The following USP40 variants were observed in gnomAD, a reference collection of about 807,000 sequenced individuals.
The protein encoded by USP40 is ubiquitin specific peptidase 40, also known as ubiquitin carboxyl-terminal hydrolase 40.
Under a neutral mutation model 166.2 loss-of-function variants are expected in USP40, and 143 were observed. The ratio of observed to expected loss-of-function variants is 0.86; its 90% CI spans 0.75 to 0.99. The LOEUF (loss-of-function observed/expected upper bound fraction) is 0.99, where lower values mean the gene tolerates loss of function less well. USP40 is among the 50% of genes least tolerant of loss of function. The pLI, the probability that USP40 is intolerant of heterozygous loss-of-function variation, is 0.00. For synonymous variants in USP40, 498 were observed against 524.0 expected (o/e 0.95, Z 0.68); for missense variants, 1,444 against 1,479.7 (o/e 0.98, Z 0.40).
At chr2:233,490,674 T>G (rs2065274754) in intron 26 of USP40, among the ~76,000 whole-genome samples, 1 of 152,292 alleles carries the variant, frequency 6.6e-6, no homozygotes, top group African/African-American at 2.4e-5. Context: ...GATAAAACCC[T>G]CCTTCTCTGT....
intron 24 of USP40, among the ~76,000 whole-genome samples, chr2:233,494,964 A>ATT (rs2065643951): frequency 1.6e-4 from 12 of 74,666 alleles, no homozygotes; most frequent in Non-Finnish European, 3.1e-4. Context: ...ATTTATATAT[A>ATT]TATATATATA....
chr2:233,496,007 A>G (rs903908407), intron 24 of USP40, among the ~76,000 whole-genome samples: 1 of 152,276 alleles, frequency 6.6e-6, no homozygotes, highest in African/African-American at 2.4e-5. Context: ...TGCCTTCAGC[A>G]AACAAATATG....
intron 9 of USP40, among the ~76,000 whole-genome samples, chr2:233,541,138 T>C (rs961340370): frequency 9.8e-5 from 15 of 152,342 alleles, no homozygotes; most frequent in Admixed American, 7.8e-4. Context: ...AGATGATTAA[T>C]GTCTTATCTA....
intron 31 of USP40, among the ~76,000 whole-genome samples, chr2:233,478,460 T>C (rs1407029220): frequency 6.6e-6 from 1 of 152,216 alleles, no homozygotes. Context: ...GGCAAGCGAT[T>C]TGCAGTTCCT....
In USP40 at chr2:233,493,243, G is replaced by C; in HGVS notation, c.2917+182C>G. 8 of 778,144 alleles carry C rather than the reference G, an allele frequency of 1.0e-5. No individual in the cohort carries two copies. In the South Asian group the frequency reaches 1.4e-4, roughly 14 times the overall value. The allele number at this position is 778,144 out of a possible 1,614,324, so 48.2% of individuals were successfully genotyped here. On this transcript the variant is annotated intron_variant, in intron 25 of 31. Coordinates refer to ENST00000678225, the MANE Select transcript of USP40 (RefSeq NM_001365479.2). This position sits in a 1 kb window ranked among gnomAD's most constrained non-coding sequence, Gnocchi z 4.7. The stretch of plus-strand genomic sequence containing the variant: ...GTGCTTTACAGAGGTTACAGAGCAC[G>C]TACAGAAATGGCACAGTGTTATTAT...
At chr2:233,495,324 T>C (rs1233491284) in intron 24 of USP40, among the ~76,000 whole-genome samples, 1 of 152,006 alleles carries the variant, frequency 6.6e-6, no homozygotes, top group Non-Finnish European at 1.5e-5. Context: ...TTAAAATATT[T>C]TACATGGTTA....
intron 2 of USP40, among the ~76,000 whole-genome samples, chr2:233,563,634 T>C (rs1392943116): frequency 4.6e-5 from 7 of 152,184 alleles, no homozygotes; most frequent in Non-Finnish European, 7.3e-5. Context: ...CTCAGCTACA[T>C]TGTAATGGAG....
At chr2:233,490,632 C>T (rs2065272684) in intron 26 of USP40, among the ~76,000 whole-genome samples, 2 of 152,220 alleles carry the variant, frequency 1.3e-5, no homozygotes, top group African/African-American at 4.8e-5. Context: ...TGCTTCAACA[C>T]TGCATTGTGC....
chr2:233,515,591 G>T (rs1462985124), intron 18 of USP40, among the ~76,000 whole-genome samples: 8 of 151,706 alleles, frequency 5.3e-5, no homozygotes, highest in African/African-American at 1.9e-4. Context: ...TATTCTGAAT[G>T]TAAGTTGATT....
At chr2:233,519,566 C>T in intron 18 of USP40, 48 bp downstream of exon 18, 4 of 1,304,666 alleles carry the variant, frequency 3.1e-6, no homozygotes, top group Non-Finnish European at 4.3e-6. Context: ...CAATTCAAGA[C>T]CAAAATTAAG....
intron 23 of USP40, among the ~76,000 whole-genome samples, chr2:233,497,529 A>G (rs2065819950): frequency 6.6e-6 from 1 of 152,190 alleles, no homozygotes; most frequent in Non-Finnish European, 1.5e-5. Context: ...GGAAACATGA[A>G]GAATGAAAGA....
chr2:233,527,602 T>C (rs781531638), intron 12 of USP40, 24 bp from the exon 13 acceptor site: 1 of 1,563,368 alleles, frequency 6.4e-7, no homozygotes, highest in African/African-American at 1.4e-5. Context: ...CAAAAATACA[T>C]AAATACTGTG....
chr2:233,524,557 C>T lies in USP40; in HGVS notation c.1816G>A (p.Glu606Lys). The T allele has an allele frequency of 6.2e-7, 1 of 1,600,726 alleles. No homozygotes were observed. The change falls in exon 15 of 32, where the codon GAA becomes AAA. Residue 606 changes from glutamate (E) to lysine (K), a missense_variant. Physicochemically the swap from Glu to Lys is moderately conservative, Grantham distance 56 (BLOSUM62 1). Transcript: ENST00000678225. ...ATTTCAGTTTCACACAGTGTCAGTTCATCCCCTAGAAAGAGATCACCAGTG... is the reference window on the plus strand; with the variant it reads ...ATTTCAGTTTCACACAGTGTCAGTTTATCCCCTAGAAAGAGATCACCAGTG... The part of the protein sequence containing the change: ...LHIYQSLGGD[E>K]LTLCETEIAD...
rs191251401 is a variant in USP40 at position 233,566,735 on chromosome 2, G to T, written c.-71C>A. The T allele has an allele frequency of 1.2e-3, 1,186 of 985,972 alleles. 2 individuals carry two copies. Among genetic ancestry groups the T allele is most frequent in the Non-Finnish European group, 1.3e-3 (1,067 of 829,992 alleles). 61.1% of individuals were successfully genotyped at this position (985,972 alleles called of 1,614,324 possible). A position where few individuals can be genotyped will look rare whatever the true frequency, so the allele number is the denominator to read the frequency against. ...GCCAAAACGCGAAGCGAACGAACCC[G>T]CCCCAACTGGGCGCCGCCATGTTGG... On this transcript the variant is annotated 5_prime_UTR_variant, in exon 1 of 32. Transcript: ENST00000678225.
intron 20 of USP40, among the ~76,000 whole-genome samples, chr2:233,511,174 A>G (rs527671454): frequency 6.6e-6 from 1 of 152,334 alleles, no homozygotes; most frequent in East Asian, 1.9e-4. Flanking sequence ...GGCAAAGGTC[A>G]AACCTGATGG....
At position 233,523,266 on chromosome 2, in the gene USP40, G is replaced by A. The variant is rs1047445786; in HGVS notation, c.2105C>T (p.Thr702Met). ...CCTCATGTCTTCCTTGGGGATGGCC[G>A]TCCAACCCTCCCCACCTGGACATCC... is the stretch of plus-strand genomic sequence containing the variant. ...SAGCPGGEGW[T>M]AIPKEDMRKT... is the part of the protein sequence containing the mutation. Residue 702 changes from threonine to methionine, a missense_variant, in exon 16 of 32, where the codon ACG becomes ATG. Transcript: ENST00000678225. 3.3e-5 allele frequency: 53 copies of A among 1,613,804 alleles called. No individual in the cohort carries two copies. Among genetic ancestry groups the A allele is most frequent in the East Asian group, 4.5e-5 (2 of 44,900 alleles).
At chr2:233,524,164 C>G (rs1213843841) in intron 15 of USP40, among the ~76,000 whole-genome samples, 4 of 152,132 alleles carry the variant, frequency 2.6e-5, no homozygotes, top group Admixed American at 6.5e-5. Flanking sequence ...GAGTCTTGCC[C>G]TGTCACCCAG....
chr2:233,553,228 GC>G (rs2070747109), intron 6 of USP40, among the ~76,000 whole-genome samples: 1 of 152,128 alleles, frequency 6.6e-6, no homozygotes, highest in African/African-American at 2.4e-5. Flanking sequence ...CATTGGTAAT[GC>G]TTTTGGTGGA....
chr2:233,496,885 T>C (rs2065778529), intron 23 of USP40, 53 bp from the exon 24 acceptor site: 6 of 1,415,284 alleles, frequency 4.2e-6, no homozygotes, highest in African/African-American at 1.4e-5. Flanking sequence ...AAGGAGCAGA[T>C]CATTGATCTT....
Sources: gnomAD v4.1 joint callset for allele counts (sites outside exome capture counted in the v4.1 genomes callset) on GRCh38, gnomAD v4.1.1 for gene constraint, Gnocchi (gnomAD v3.1) non-coding constraint, MANE v1.5 for transcripts, NCBI Gene and HGNC (gene_info 2026-07-23, HGNC 2026-07-21) for gene names.